The following BMP6 variants were observed in gnomAD, a reference collection of about 807,000 sequenced individuals.
BMP6 encodes the protein VG-1-R.
Under a neutral mutation model 54.1 loss-of-function variants are expected in BMP6, and 17 were observed. That is an observed-to-expected ratio of 0.31 (90% confidence interval 0.22 to 0.47). The LOEUF is 0.47. BMP6 is among the 20% of genes least tolerant of loss of function. BMP6 has a pLI of 1.00. For synonymous variants in BMP6, 328 were observed against 291.2 expected (o/e 1.13, Z -1.28); for missense variants, 720 against 690.4 (o/e 1.04, Z -0.48).
At chr6:7,850,641 T>C (rs1258996991) in intron 2 of BMP6, among the ~76,000 whole-genome samples, 5 of 152,220 alleles carry the variant, frequency 3.3e-5, no homozygotes, top group Non-Finnish European at 7.3e-5. Flanking sequence ...AGTTTGATAC[T>C]GCACTCTGAA....
chr6:7,840,852 G>C (rs866604008), intron 1 of BMP6, among the ~76,000 whole-genome samples: 2 of 152,158 alleles, frequency 1.3e-5, no homozygotes, highest in African/African-American at 4.8e-5. Flanking sequence ...GCATTCAGGA[G>C]CCAGCCACCA....
intron 1 of BMP6, among the ~76,000 whole-genome samples, chr6:7,841,619 A>G (rs976953969): frequency 6.6e-6 from 1 of 152,172 alleles, no homozygotes; most frequent in Non-Finnish European, 1.5e-5. Context: ...AGGTATGATG[A>G]GGAGAGTGAG....
chr6:7,764,381 C>T lies in BMP6; in HGVS notation c.664+36762C>T, dbSNP rs375012872. On this transcript the variant is annotated intron_variant, in intron 1 of 6. Coordinates refer to ENST00000283147, the MANE Select transcript of BMP6 (RefSeq NM_001718.6). ...TGGAGCAAAAGACATTAGAAACTCA[C>T]GGGTCCAGCAGCTTGTATTTATATC... 3.1e-4 allele frequency among the ~76,000 whole-genome samples: 47 copies of T among 152,302 alleles called. No individual in the cohort carries two copies. The South Asian group carries it at 5.2e-3, about 17-fold the overall frequency.
intron 1 of BMP6, among the ~76,000 whole-genome samples, chr6:7,823,573 T>C (rs1378775017): frequency 6.6e-6 from 1 of 152,130 alleles, no homozygotes; most frequent in Non-Finnish European, 1.5e-5. Flanking sequence ...AAGCAGGCAT[T>C]TTAAGAAGAT....
At chr6:7,838,519 A>G (rs940940597) in intron 1 of BMP6, among the ~76,000 whole-genome samples, 3 of 152,218 alleles carry the variant, frequency 2.0e-5, no homozygotes, top group Admixed American at 6.5e-5. Flanking sequence ...ATGCTTTGCA[A>G]TGTGTCTCTT....
At chr6:7,767,821 C>T (rs971231433) in intron 1 of BMP6, among the ~76,000 whole-genome samples, 1 of 152,146 alleles carries the variant, frequency 6.6e-6, no homozygotes. Context: ...TTGTTGAGAG[C>T]TGGACATGAT....
intron 2 of BMP6, among the ~76,000 whole-genome samples, chr6:7,850,257 C>T (rs1183082586): frequency 6.6e-6 from 1 of 152,208 alleles, no homozygotes; most frequent in Non-Finnish European, 1.5e-5. Context: ...ATTCTCTTGC[C>T]TCAGCCTCCC....
intron 4 of BMP6, among the ~76,000 whole-genome samples, chr6:7,876,840 C>A (rs1440603607): frequency 6.6e-6 from 1 of 151,628 alleles, no homozygotes; most frequent in African/African-American, 2.4e-5. Flanking sequence ...TTTAAGGTTT[C>A]TAGTCCTTCT....
rs1761728297 is a variant in BMP6, at chr6:7,726,624, G to A, written c.-332G>A. 6.6e-6 allele frequency among the ~76,000 whole-genome samples: 1 copy of A among 152,154 alleles called. No homozygotes were observed. Among genetic ancestry groups the A allele is most frequent in the Non-Finnish European group, 1.5e-5 (1 of 68,024 alleles). ...AGAGTGACCGCGCCGCGACTCGCAGGAGCCAGGGCGCAGGCTGCAGTGCAG... is the reference window on the plus strand; with the variant it reads ...AGAGTGACCGCGCCGCGACTCGCAGAAGCCAGGGCGCAGGCTGCAGTGCAG... On this transcript the variant is annotated 5_prime_UTR_variant, in exon 1 of 7. Coordinates refer to ENST00000283147, the MANE Select transcript of BMP6 (RefSeq NM_001718.6).
chr6:7,856,595 AT>A (rs70982115), intron 2 of BMP6, among the ~76,000 whole-genome samples: 1,909 of 83,010 alleles, frequency 0.023, 91 homozygotes, highest in African/African-American at 0.039. Flanking sequence ...TATCAAGAGC[AT>A]TTTTTTTTTT....
intron 1 of BMP6, among the ~76,000 whole-genome samples, chr6:7,759,190 T>C (rs573873764): frequency 2.2e-4 from 34 of 151,894 alleles, no homozygotes; most frequent in Middle Eastern, 3.4e-3. Context: ...AGTTCCTCAT[T>C]ACCATATATG....
intron 1 of BMP6, among the ~76,000 whole-genome samples, chr6:7,832,710 C>G (rs1758811234): frequency 6.7e-6 from 1 of 149,142 alleles, no homozygotes; most frequent in Non-Finnish European, 1.5e-5. Context: ...CACTGATGTA[C>G]CTACCCTTGT....
intron 1 of BMP6, among the ~76,000 whole-genome samples, chr6:7,789,356 G>A (rs1232239736): frequency 1.3e-5 from 2 of 152,198 alleles, no homozygotes; most frequent in Non-Finnish European, 2.9e-5. Flanking sequence ...GCCTCCTCCA[G>A]AAAATCTTTG....
chr6:7,726,846 C>T lies in BMP6; in HGVS notation c.-110C>T. On this transcript the variant is annotated 5_prime_UTR_variant, in exon 1 of 7. Transcript: ENST00000283147. The stretch of plus-strand genomic sequence containing the variant: ...GGCCAGGAAGGGGAAGCGAGCCCGC[C>T]GAGAGGTGGCGGGGACTGCTCACGC... 1.4e-5 allele frequency: 9 copies of T among 623,918 alleles called. No individual in the cohort carries two copies. The highest frequency in any genetic ancestry group is 1.8e-5 in the Non-Finnish European group (9 of 489,240). 38.6% of individuals were successfully genotyped at this position (623,918 alleles called of 1,614,324 possible). A position where few individuals can be genotyped will look rare whatever the true frequency, so the allele number is the denominator to read the frequency against.
chr6:7,729,832 A>G (rs2113100635), intron 1 of BMP6, among the ~76,000 whole-genome samples: 1 of 152,286 alleles, frequency 6.6e-6, no homozygotes, highest in East Asian at 1.9e-4. Context: ...GGCACTCCAT[A>G]TCAAATCAGA....
rs973691048 is a variant in BMP6 at position 7,726,208 on chromosome 6, A to T, written c.-748A>T. 2.0e-5 allele frequency among the ~76,000 whole-genome samples: 3 copies of T among 151,914 alleles called. No individual in the cohort carries two copies. The highest frequency in any genetic ancestry group is 7.3e-5 in the African/African-American group (3 of 41,378). ...CGGTGCACTAGCCCCCTTCCTTCCC[A>T]TCCTTTCTGCGAGCGGGTTTGCTGG... On this transcript the variant is annotated 5_prime_UTR_variant, in exon 1 of 7. Coordinates refer to ENST00000283147, the MANE Select transcript of BMP6 (RefSeq NM_001718.6).
intron 1 of BMP6, among the ~76,000 whole-genome samples, chr6:7,788,880 T>C (rs1263718472): frequency 2.0e-5 from 3 of 152,022 alleles, no homozygotes; most frequent in African/African-American, 7.2e-5. Context: ...TGTTTTTTTT[T>C]TTTTTTTTAA....
Position 7,879,168 on chromosome 6 carries a change from G to A in BMP6, c.1281+18G>A, listed in dbSNP as rs749928567. On this transcript the variant is annotated intron_variant, in intron 5 of 6. Coordinates refer to ENST00000283147, the MANE Select transcript of BMP6 (RefSeq NM_001718.6). ...GATGGCAGGTGAGTTCTCTGGACACGGGGGATAAAGGTCCTTTCTCAGCAG... is the reference window on the plus strand; with the variant it reads ...GATGGCAGGTGAGTTCTCTGGACACAGGGGATAAAGGTCCTTTCTCAGCAG... 37 of 1,602,038 alleles carry A rather than the reference G, an allele frequency of 2.3e-5. No homozygotes were observed. Among genetic ancestry groups the A allele is most frequent in the Admixed American group, 5.0e-5 (3 of 59,990 alleles).
At chr6:7,873,411 G>T (rs953804344) in intron 4 of BMP6, among the ~76,000 whole-genome samples, 2 of 152,182 alleles carry the variant, frequency 1.3e-5, no homozygotes, top group African/African-American at 4.8e-5. Context: ...GATAGGCATG[G>T]GTGGTTGGAG....
Sources: allele counts gnomAD v4.1 joint callset (sites outside exome capture counted in the v4.1 genomes callset), GRCh38; gene constraint gnomAD v4.1.1; transcripts MANE v1.5; gene names NCBI Gene and HGNC (gene_info 2026-07-23, HGNC 2026-07-21).